The following RC3H1 variants were observed in gnomAD, a reference collection of about 807,000 sequenced individuals.
RC3H1 encodes roquin-1.
In RC3H1, 50 loss-of-function variants were observed where a neutral mutation model predicts 138.2. The ratio of observed to expected loss-of-function variants is 0.36; its 90% CI spans 0.29 to 0.46. The LOEUF is 0.46. Among genes scored for constraint, RC3H1 ranks in the 20% least tolerant of loss-of-function variants. RC3H1 has a pLI of 1.00. For synonymous variants in RC3H1, 462 were observed against 489.1 expected (o/e 0.94, Z 0.73); for missense variants, 1,031 against 1,388.1 (o/e 0.74, Z 4.09).
At chr1:173,970,745 C>G in intron 8 of RC3H1, 128 bp from the exon 9 acceptor site, 1 of 561,678 alleles carries the variant, frequency 1.8e-6, no homozygotes, top group Non-Finnish European at 3.0e-6. Context: ...TTACCAAGAG[C>G]AAAAGTGCTG....
chr1:173,940,249 A>G (rs565003722), intron 19 of RC3H1, among the ~76,000 whole-genome samples: 1 of 152,268 alleles, frequency 6.6e-6, no homozygotes, highest in South Asian at 2.1e-4. Context: ...AGGCAGGTGG[A>G]TCACCTGAGG....
rs759205226 is a variant in RC3H1, at chr1:173,992,775, G to T, written c.211C>A (p.Leu71Met). The change falls in exon 2 of 20, where the codon CTG (leucine) becomes ATG (methionine). Residue 71 changes from leucine (L) to methionine (M), a missense_variant. By Grantham distance (15) the Leu-to-Met change is conservative. Transcript: ENST00000367696. ...IELLPVNSAL[L>M]QLVGAQVPEQ... The stretch of plus-strand genomic sequence containing the variant: ...CCTACCTGAGCACCCACGAGCTGCA[G>T]CAATGCTGAGTTCACAGGGAGGAGC... 44 of 1,613,642 alleles carry T rather than the reference G, an allele frequency of 2.7e-5. No homozygotes were observed. Among genetic ancestry groups the T allele is most frequent in the Non-Finnish European group, 3.6e-5 (42 of 1,179,794 alleles).
chr1:173,989,721 T>G (rs894274070), intron 2 of RC3H1, among the ~76,000 whole-genome samples: 20 of 137,748 alleles, frequency 1.5e-4, no homozygotes, highest in Admixed American at 3.6e-4. Context: ...TTTTTTTTTT[T>G]TTTTTTTTTT....
rs1201558386 is a variant in RC3H1 at position 173,936,778 on chromosome 1, T to TAAAA, written c.*1939_*1942dup. ...ATATATATATTTTTTTTTTTTTTTTTAAAAAAAGAAGACAAATGTATAAGA... is the reference window on the plus strand; with the variant it reads ...ATATATATATTTTTTTTTTTTTTTTTAAAAAAAAAAAGAAGACAAATGTATAAGA... On this transcript the variant is annotated 3_prime_UTR_variant, in exon 20 of 20. Coordinates refer to ENST00000367696, the MANE Select transcript of RC3H1 (RefSeq NM_172071.4). 6.2e-5 allele frequency: 6 copies of TAAAA among 97,024 alleles called. No homozygotes were observed. Among genetic ancestry groups the TAAAA allele is most frequent in the Middle Eastern group, 7.5e-3 (1 of 134 alleles). The allele number at this position is 97,024 out of a possible 1,614,324, so 6.0% of individuals were successfully genotyped here. A position where few individuals can be genotyped will look rare whatever the true frequency, so the allele number is the denominator to read the frequency against.
At chr1:174,009,792 C>T (rs1252508400) in intron 1 of RC3H1, among the ~76,000 whole-genome samples, 3 of 152,168 alleles carry the variant, frequency 2.0e-5, no homozygotes, top group Non-Finnish European at 4.4e-5. Flanking sequence ...GAGCCGAGAT[C>T]GTGCCACTGC....
chr1:173,992,699 C>CACAG lies in RC3H1; in HGVS notation c.231+55_231+56insCTGT, dbSNP rs878958584. On this transcript the variant is annotated intron_variant, in intron 2 of 19. Transcript: ENST00000367696. ...ACACACACACACACACACACACACACAGAGAGAGAGAGAGAGAGAGGGAGA... is the reference window on the plus strand; with the variant it reads ...ACACACACACACACACACACACACACACAGAGAGAGAGAGAGAGAGAGAGGGAGA... The CACAG allele has an allele frequency of 8.0e-4, 592 of 743,840 alleles. 1 individual carries two copies. The highest frequency in any genetic ancestry group is 3.0e-3 in the African/African-American group (166 of 54,840). The allele number at this position is 743,840 out of a possible 1,614,324, so 46.1% of individuals were successfully genotyped here.
chr1:174,015,119 C>T (rs1661835701), intron 1 of RC3H1, among the ~76,000 whole-genome samples: 1 of 152,210 alleles, frequency 6.6e-6, no homozygotes, highest in South Asian at 2.1e-4. Context: ...TAATTTGCAC[C>T]TTTTAATCTG....
chr1:173,951,945 A>T, intron 14 of RC3H1, 41 bp downstream of exon 14: 1 of 1,556,812 alleles, frequency 6.4e-7, no homozygotes, highest in South Asian at 1.2e-5. Flanking sequence ...TATTTGGTTT[A>T]TCTTAATTTG....
intron 17 of RC3H1, among the ~76,000 whole-genome samples, chr1:173,944,883 A>G (rs1008259849): frequency 1.3e-5 from 2 of 152,216 alleles, no homozygotes; most frequent in Non-Finnish European, 2.9e-5. Context: ...AAGTCTACTA[A>G]GAAAGTCTGT....
chr1:173,948,518 A>G (rs1370522861), intron 14 of RC3H1, among the ~76,000 whole-genome samples: 3 of 152,174 alleles, frequency 2.0e-5, no homozygotes, highest in Non-Finnish European at 2.9e-5. Flanking sequence ...TATAGTTTGT[A>G]TGCACATTAA....
Position 173,932,479 on chromosome 1 carries a change from A to G in RC3H1, c.*6242T>C, listed in dbSNP as rs965292705. On this transcript the variant is annotated 3_prime_UTR_variant, in exon 20 of 20. Coordinates refer to ENST00000367696, the MANE Select transcript of RC3H1 (RefSeq NM_172071.4). ...ACTTTTTCCATTGTTCTTGTACCAA[A>G]AAGTCATAGATTAATCATAAAGAAA... 6.6e-6 allele frequency: 1 copy of G among 152,114 alleles called. No homozygotes were observed. Among genetic ancestry groups the G allele is most frequent in the African/African-American group, 2.4e-5 (1 of 41,444 alleles). The allele number at this position is 152,114 out of a possible 1,614,324, so 9.4% of individuals were successfully genotyped here. A position where few individuals can be genotyped will look rare whatever the true frequency, so the allele number is the denominator to read the frequency against.
intron 1 of RC3H1, among the ~76,000 whole-genome samples, chr1:173,999,588 T>C (rs1661527522): frequency 6.6e-6 from 1 of 152,200 alleles, no homozygotes; most frequent in Non-Finnish European, 1.5e-5. Flanking sequence ...GATTAAAACA[T>C]TGTCAATGAG....
At chr1:174,012,000 G>C (rs6688176) in intron 1 of RC3H1, among the ~76,000 whole-genome samples, 43,981 of 151,992 alleles carry the variant, frequency 0.29, 11,383 homozygotes, top group African/African-American at 0.7. Context: ...AGCTTGAGCC[G>C]AGAAGTTCGA....
chr1:173,964,220 A>G, intron 10 of RC3H1, 33 bp from the exon 11 acceptor site: 1 of 1,514,662 alleles, frequency 6.6e-7, no homozygotes, highest in Non-Finnish European at 9.2e-7. Context: ...GTTGTTTAAA[A>G]AATACTTCTC....
chr1:173,993,397 T>C (rs1661375077), intron 1 of RC3H1, among the ~76,000 whole-genome samples: 1 of 147,024 alleles, frequency 6.8e-6, no homozygotes, highest in Admixed American at 6.6e-5. Flanking sequence ...CCTAGTCTCT[T>C]AAGTTTATCT....
chr1:173,943,664 T>C (rs1475626147), intron 17 of RC3H1, 49 bp from the exon 18 acceptor site: 10 of 1,542,626 alleles, frequency 6.5e-6, no homozygotes, highest in Admixed American at 5.6e-5. Context: ...CTTCACACCA[T>C]GCACAGAATA....
At chr1:173,977,819 A>G (rs1465575069) in intron 7 of RC3H1, among the ~76,000 whole-genome samples, 2 of 152,214 alleles carry the variant, frequency 1.3e-5, no homozygotes, top group Non-Finnish European at 2.9e-5. Flanking sequence ...TCACAGAAAG[A>G]TATCAAAAAA....
chr1:173,972,732 T>G (rs368248356), intron 7 of RC3H1, 105 bp from the exon 8 acceptor site: 2 of 739,866 alleles, frequency 2.7e-6, no homozygotes, highest in Non-Finnish European at 4.8e-6. Flanking sequence ...GAAATCAAGC[T>G]TCACACCTTA....
At chr1:173,984,358 C>T (rs1660937992) in intron 3 of RC3H1, 141 bp downstream of exon 3, 1 of 655,928 alleles carries the variant, frequency 1.5e-6, no homozygotes, top group South Asian at 2.9e-5. Flanking sequence ...CTTTAGTAGA[C>T]ATTTACTTAG....
Sources: allele counts gnomAD v4.1 joint callset (sites outside exome capture counted in the v4.1 genomes callset), GRCh38; gene constraint gnomAD v4.1.1; transcripts MANE v1.5; gene names NCBI Gene and HGNC (gene_info 2026-07-23, HGNC 2026-07-21).